The following GLCE variants were observed in gnomAD, a reference collection of about 807,000 sequenced individuals.
The protein encoded by GLCE is D-glucuronyl C5-epimerase.
In GLCE, 19 loss-of-function variants were observed where a neutral mutation model predicts 47.9. The ratio of observed to expected loss-of-function variants is 0.40; its 90% CI spans 0.28 to 0.58. The LOEUF is 0.58. Ranked by LOEUF, GLCE falls within the 20% of genes least tolerant of loss-of-function variation. The pLI, the probability that GLCE is intolerant of heterozygous loss-of-function variation, is 0.48. For synonymous variants in GLCE, 245 were observed against 263.4 expected, an observed-to-expected ratio of 0.93 and a Z score of 0.68; for missense variants, 556 against 743.3, an observed-to-expected ratio of 0.75 and a Z score of 2.93.
chr15:69,198,864 T>G (rs2052034889), intron 1 of GLCE, among the ~76,000 whole-genome samples: 1 of 152,114 alleles, frequency 6.6e-6, no homozygotes. Flanking sequence ...CAATATTTTC[T>G]TCTTTATAAG....
intron 2 of GLCE, among the ~76,000 whole-genome samples, chr15:69,240,609 G>A (rs1218077137): frequency 6.6e-6 from 1 of 152,014 alleles, no homozygotes; most frequent in East Asian, 1.9e-4. Flanking sequence ...CGGCCTATAG[G>A]ATGGAAACTA....
At chr15:69,184,627 A>T (rs1255228109) in intron 1 of GLCE, among the ~76,000 whole-genome samples, 1 of 152,236 alleles carries the variant, frequency 6.6e-6, no homozygotes, top group African/African-American at 2.4e-5. Context: ...AATTCAAACA[A>T]CCTTACACAA....
Position 69,256,016 on chromosome 15 carries a change from AC to A in GLCE, c.211del (p.Gln71AsnfsTer30). 1.9e-6 allele frequency: 3 copies of A among 1,614,084 alleles called. No homozygotes were observed. The highest frequency in any genetic ancestry group is 2.5e-6 in the Non-Finnish European group (3 of 1,179,970). ...ACAACTATATGAACCACGTGGCCAA[AC>A]AACAGTCTGAGGAAGCATTCCCTCA... Reference protein sequence around the residue: ...SNNYMNHVAKQQSEEAFPQEQ... With the variant: ...SNNYMNHVAKXQSEEAFPQEQ... On this transcript the variant is annotated frameshift_variant, in exon 3 of 5. Coordinates refer to ENST00000261858, the MANE Select transcript of GLCE (RefSeq NM_015554.3). LOFTEE classifies it high-confidence loss of function.
Position 69,210,360 on chromosome 15 carries a change from T to C in GLCE, c.-60T>C, listed in dbSNP as rs2052214190. The stretch of plus-strand genomic sequence containing the variant: ...AGTTTTGATTCAGATATATTTTGAA[T>C]TGAAACCAGAGATGTTCTAGAGTTT... On this transcript the variant is annotated 5_prime_UTR_variant, in exon 2 of 5. Transcript: ENST00000261858. The C allele has an allele frequency of 6.6e-6, 1 of 152,164 alleles. No homozygotes were observed. 9.4% of individuals were successfully genotyped at this position (152,164 alleles called of 1,614,324 possible). A position where few individuals can be genotyped will look rare whatever the true frequency, so the allele number is the denominator to read the frequency against.
chr15:69,237,735 C>T (rs1187010661), intron 2 of GLCE, among the ~76,000 whole-genome samples: 1 of 152,190 alleles, frequency 6.6e-6, no homozygotes, highest in East Asian at 1.9e-4. Context: ...TTTAGACATT[C>T]CAGTTTGCAG....
At chr15:69,191,162 T>G (rs1476638938) in intron 1 of GLCE, among the ~76,000 whole-genome samples, 1 of 152,198 alleles carries the variant, frequency 6.6e-6, no homozygotes, top group Non-Finnish European at 1.5e-5. Context: ...CATGTCTTTG[T>G]ATGGTTCCAT....
intron 1 of GLCE, among the ~76,000 whole-genome samples, chr15:69,187,502 A>T (rs1341699591): frequency 6.6e-6 from 1 of 152,160 alleles, no homozygotes; most frequent in African/African-American, 2.4e-5. Context: ...AAATTACTAT[A>T]ATGGAGAAAT....
chr15:69,266,305 T>C (rs1437854954), intron 4 of GLCE, among the ~76,000 whole-genome samples: 1 of 152,070 alleles, frequency 6.6e-6, no homozygotes, highest in Non-Finnish European at 1.5e-5. Context: ...AAGTATACAC[T>C]ATCATCAGTT....
intron 2 of GLCE, 63 bp from the exon 3 acceptor site, chr15:69,255,731 C>T: frequency 5.8e-6 from 5 of 860,078 alleles, no homozygotes; most frequent in African/African-American, 1.7e-5. Flanking sequence ...GCAAAGAAAA[C>T]TTTATCCTAT....
At chr15:69,197,186 C>G in intron 1 of GLCE, 1 of 422,062 alleles carries the variant, frequency 2.4e-6, no homozygotes, top group South Asian at 1.8e-5. Context: ...ACCAACGCTT[C>G]AAAAGTTGAA....
At chr15:69,175,591 T>C (rs2051650809) in intron 1 of GLCE, among the ~76,000 whole-genome samples, 1 of 152,220 alleles carries the variant, frequency 6.6e-6, no homozygotes, top group African/African-American at 2.4e-5. Context: ...TTTATAGTCA[T>C]CAGCTTCATT....
chr15:69,208,556 G>A (rs986003419), intron 1 of GLCE, among the ~76,000 whole-genome samples: 4 of 151,990 alleles, frequency 2.6e-5, no homozygotes, highest in African/African-American at 9.7e-5. Context: ...AAATTAGGTA[G>A]TATAATTCCT....
At chr15:69,241,366 T>C (rs1378930439) in intron 2 of GLCE, among the ~76,000 whole-genome samples, 1 of 152,220 alleles carries the variant, frequency 6.6e-6, no homozygotes, top group Non-Finnish European at 1.5e-5. Flanking sequence ...AAAAGAATTA[T>C]TTCAAAACAT....
At chr15:69,190,727 T>G (rs1375118831) in intron 1 of GLCE, among the ~76,000 whole-genome samples, 1 of 152,122 alleles carries the variant, frequency 6.6e-6, no homozygotes, top group Non-Finnish European at 1.5e-5. Context: ...TCTGACAATC[T>G]CTATCCCTTT....
chr15:69,194,033 G>C (rs2051951197), intron 1 of GLCE, among the ~76,000 whole-genome samples: 1 of 152,132 alleles, frequency 6.6e-6, no homozygotes, highest in Admixed American at 6.6e-5. Context: ...AGAGTATTCA[G>C]GGTAGCAAAT....
intron 3 of GLCE, among the ~76,000 whole-genome samples, chr15:69,260,000 TATGTAA>T (rs1396923359): frequency 6.6e-6 from 1 of 152,194 alleles, no homozygotes; most frequent in Non-Finnish European, 1.5e-5. Flanking sequence ...CATACAACAT[TATGTAA>T]ATGTAGGATT....
chr15:69,256,684 T>C (rs1442785718), intron 3 of GLCE, among the ~76,000 whole-genome samples: 1 of 152,160 alleles, frequency 6.6e-6, no homozygotes, highest in Non-Finnish European at 1.5e-5. Context: ...GAAGTTTGCG[T>C]TAAAATATAT....
chr15:69,191,468 A>G (rs537757276), intron 1 of GLCE, among the ~76,000 whole-genome samples: 1 of 152,212 alleles, frequency 6.6e-6, no homozygotes, highest in East Asian at 1.9e-4. Flanking sequence ...GTCTGGAGGA[A>G]ACAAGGCACA....
intron 1 of GLCE, among the ~76,000 whole-genome samples, chr15:69,178,246 A>C (rs1013107297): frequency 6.6e-6 from 1 of 152,192 alleles, no homozygotes; most frequent in Non-Finnish European, 1.5e-5. Context: ...TCCAACAGAA[A>C]AATGGGCAGA....
Sources: allele counts gnomAD v4.1 joint callset (sites outside exome capture counted in the v4.1 genomes callset), GRCh38; gene constraint gnomAD v4.1.1; transcripts MANE v1.5; gene names NCBI Gene and HGNC (gene_info 2026-07-23, HGNC 2026-07-21).